UBR1: variants seen among roughly 807,000 people sequenced by gnomAD.
The protein encoded by UBR1 is ubiquitin protein ligase E3 component n-recognin 1, also known as E3 ubiquitin-protein ligase UBR1.
Under a neutral mutation model 242.1 loss-of-function variants are expected in UBR1, and 102 were observed. The observed-to-expected ratio is 0.42, with a 90% CI of 0.36 to 0.50. UBR1 has a LOEUF of 0.50. UBR1 is among the 20% of genes least tolerant of loss of function. The pLI is 0.01. For missense variants in UBR1, 1,772 were observed against 2,101.8 expected (o/e 0.84, Z 3.07); for synonymous variants, 675 against 684.8 (o/e 0.99, Z 0.22).
intron 14 of UBR1, among the ~76,000 whole-genome samples, chr15:43,046,943 C>A (rs1425296163): frequency 6.6e-6 from 1 of 152,030 alleles, no homozygotes; most frequent in Non-Finnish European, 1.5e-5. Context: ...ATGTATAAAC[C>A]CTGCTATTCC....
intron 43 of UBR1, among the ~76,000 whole-genome samples, chr15:42,959,584 C>T (rs555396991): frequency 2.6e-5 from 4 of 152,168 alleles, no homozygotes; most frequent in Non-Finnish European, 5.9e-5. Flanking sequence ...TATTTCAGTA[C>T]CATGCTGGGT....
At chr15:42,972,077 A>G (rs1464720238) in intron 39 of UBR1, among the ~76,000 whole-genome samples, 1 of 152,142 alleles carries the variant, frequency 6.6e-6, no homozygotes, top group African/African-American at 2.4e-5. Context: ...TTTACATTCT[A>G]TGAGTTTGGA....
intron 33 of UBR1, among the ~76,000 whole-genome samples, chr15:42,990,352 T>C (rs541479281): frequency 1.3e-5 from 2 of 152,208 alleles, no homozygotes; most frequent in African/African-American, 4.8e-5. Flanking sequence ...TTTTAAACAA[T>C]TTTTTTGTAA....
intron 30 of UBR1, among the ~76,000 whole-genome samples, chr15:43,004,184 A>C (rs977962135): frequency 6.6e-6 from 1 of 152,238 alleles, no homozygotes; most frequent in East Asian, 1.9e-4. Context: ...TATTGGGTTT[A>C]ATCTGCATTA....
At chr15:43,004,861 C>G (rs1042374774) in intron 30 of UBR1, among the ~76,000 whole-genome samples, 15 of 150,292 alleles carry the variant, frequency 1.0e-4, no homozygotes, top group Non-Finnish European at 2.1e-4. Context: ...TGTGAGGAGC[C>G]CCTCTGCCCA....
chr15:42,951,320 T>G (rs991761977), intron 45 of UBR1, among the ~76,000 whole-genome samples: 1 of 152,106 alleles, frequency 6.6e-6, no homozygotes, highest in African/African-American at 2.4e-5. Context: ...CCTCCCAGGT[T>G]CAAGCGAATT....
chr15:43,080,895 G>A (rs2141356217), intron 3 of UBR1, among the ~76,000 whole-genome samples: 2 of 152,116 alleles, frequency 1.3e-5, no homozygotes, highest in Middle Eastern at 3.4e-3. Flanking sequence ...AGGTTACAGT[G>A]AACCAAGATT....
Position 43,030,025 on chromosome 15 carries a change from CTCT to C in UBR1, c.2295_2297del (p.Glu766del), listed in dbSNP as rs1379236937. 2 of 1,613,908 alleles carry C rather than the reference CTCT, an allele frequency of 1.2e-6. No individual in the cohort carries two copies. Among genetic ancestry groups the C allele is most frequent in the African/African-American group, 1.3e-5 (1 of 74,918 alleles). The stretch of plus-strand genomic sequence containing the variant: ...AGTGAATGATTTCTCTCATTGTGAC[CTCT>C]TCTTTGGTCACATTTCCCACTCCAG... On this transcript the variant is annotated inframe_deletion, in exon 21 of 47. Coordinates refer to ENST00000290650, the MANE Select transcript of UBR1 (RefSeq NM_174916.3).
chr15:43,085,993 T>C lies in UBR1; in HGVS notation c.329A>G (p.Tyr110Cys). ...AATTTCTAATTCTTACCTGCAAGAATAGGTTGTCTCTCCACTTTTGAAAAC... is the reference window on the plus strand; with the variant it reads ...AATTTCTAATTCTTACCTGCAAGAACAGGTTGTCTCTCCACTTTTGAAAAC... ...GRVFKSGETTYSCRDCAIDPT... is the reference protein window; with the variant it reads ...GRVFKSGETTCSCRDCAIDPT... Residue 110 changes from tyrosine to cysteine, a missense_variant, in exon 2 of 47, where the codon TAT becomes TGT. Transcript: ENST00000290650. The C allele has an allele frequency of 1.2e-6, 2 of 1,613,256 alleles. No homozygotes were observed. Among genetic ancestry groups the C allele is most frequent in the Non-Finnish European group, 1.7e-6 (2 of 1,179,752 alleles).
At position 43,103,615 on chromosome 15, in the gene UBR1, T is replaced by A. The variant is rs560693396; in HGVS notation, c.81+2327A>T. Among the ~76,000 whole-genome samples the A allele has an allele frequency of 5.3e-5, 8 of 152,330 alleles. No homozygotes were observed. In the South Asian group the frequency reaches 1.7e-3, roughly 32 times the overall value. On this transcript the variant is annotated intron_variant, in intron 1 of 46. Transcript: ENST00000290650. ...TACGTATTATTTTATTTGAATTGCA[T>A]GTGAGATAATGTTAGGAATACTACA...
chr15:43,008,698 C>T (rs543853478), intron 29 of UBR1, among the ~76,000 whole-genome samples: 8 of 152,312 alleles, frequency 5.3e-5, no homozygotes, highest in South Asian at 2.1e-4. Context: ...GTGCTTTCTC[C>T]GGGTCTGTCC....
Position 43,024,928 on chromosome 15 carries a change from G to T in UBR1, c.2640C>A (p.Asn880Lys). Residue 880 changes from asparagine to lysine, a missense_variant, in exon 25 of 47, where the codon AAC becomes AAA. Coordinates refer to ENST00000290650, the MANE Select transcript of UBR1 (RefSeq NM_174916.3). Reference sequence around the variant, plus strand: ...ACATCATGATATCACAGTTGAGAAGGTTAATCACTTTGCTGAAAGCAGGGC... The same window carrying T: ...ACATCATGATATCACAGTTGAGAAGTTTAATCACTTTGCTGAAAGCAGGGC... ...EFCPAFSKVINLLNCDIMMYI... is the reference protein window; with the variant it reads ...EFCPAFSKVIKLLNCDIMMYI... 3 of 1,614,192 alleles carry T rather than the reference G, an allele frequency of 1.9e-6. No homozygotes were observed. The highest frequency in any genetic ancestry group is 2.5e-6 in the Non-Finnish European group (3 of 1,180,026).
rs372216394 is a variant in UBR1 at position 42,945,259 on chromosome 15, G to C, written c.*70C>G. 6.2e-7 allele frequency: 1 copy of C among 1,611,106 alleles called. No individual in the cohort carries two copies. Among genetic ancestry groups the C allele is most frequent in the South Asian group, 1.1e-5 (1 of 90,538 alleles). On this transcript the variant is annotated 3_prime_UTR_variant, in exon 47 of 47. Coordinates refer to ENST00000290650, the MANE Select transcript of UBR1 (RefSeq NM_174916.3). ...CCAATACTTTCCCAGCCCTCAGAAA[G>C]TTTTCCATAATTTTGAATCAGCCTT...
chr15:42,964,055 T>C lies in UBR1; in HGVS notation c.4592-12A>G, dbSNP rs750163471. On this transcript the variant is annotated splice_polypyrimidine_tract_variant and intron_variant, in intron 41 of 46. Transcript: ENST00000290650. ...TCCTTCTGCAGAATCTGCAAGAGAA[T>C]AAAAATACATTTAATAAGCACATTA... The C allele has an allele frequency of 1.3e-6, 2 of 1,550,808 alleles. No homozygotes were observed. Among genetic ancestry groups the C allele is most frequent in the African/African-American group, 1.4e-5 (1 of 73,800 alleles).
chr15:43,023,815 A>G (rs2033143034), intron 25 of UBR1, among the ~76,000 whole-genome samples: 1 of 152,140 alleles, frequency 6.6e-6, no homozygotes, highest in South Asian at 2.1e-4. Flanking sequence ...ATTTGAAAAC[A>G]TCTATCAAAA....
At chr15:42,951,472 T>G (rs2031832429) in intron 45 of UBR1, among the ~76,000 whole-genome samples, 1 of 152,094 alleles carries the variant, frequency 6.6e-6, no homozygotes, top group Admixed American at 6.5e-5. Context: ...TCTACCTGCC[T>G]CGGGCCTCCC....
rs548786098 is a variant in UBR1, at chr15:43,011,925, G to T, written c.3209+3763C>A. 80 of 453,500 alleles carry T rather than the reference G, an allele frequency of 1.8e-4. 1 individual carries two copies. The highest frequency in any genetic ancestry group is 8.1e-4 in the South Asian group (52 of 64,336). The allele number at this position is 453,500 out of a possible 1,614,324, so 28.1% of individuals were successfully genotyped here. ...CCACTATGCAGCAGTCATAAACAATGATGTAGAATCTACATTATAGGCCGG... is the reference window on the plus strand; with the variant it reads ...CCACTATGCAGCAGTCATAAACAATTATGTAGAATCTACATTATAGGCCGG... On this transcript the variant is annotated intron_variant, in intron 29 of 46. Transcript: ENST00000290650.
intron 27 of UBR1, among the ~76,000 whole-genome samples, chr15:43,017,669 G>C (rs1055348230): frequency 6.6e-6 from 1 of 151,762 alleles, no homozygotes; most frequent in African/African-American, 2.4e-5. Flanking sequence ...AATTAGCTGG[G>C]CGTGGTGACC....
intron 3 of UBR1, among the ~76,000 whole-genome samples, chr15:43,075,974 TCC>T (rs2033885029): frequency 6.6e-6 from 1 of 152,026 alleles, no homozygotes; most frequent in South Asian, 2.1e-4. Context: ...CCTCTCCCTC[TCC>T]CTCTCCCTCT....
Sources: gnomAD v4.1 joint callset for allele counts (sites outside exome capture counted in the v4.1 genomes callset) on GRCh38, gnomAD v4.1.1 for gene constraint, MANE v1.5 for transcripts, NCBI Gene and HGNC (gene_info 2026-07-23, HGNC 2026-07-21) for gene names.